DIAPH2: variants seen among roughly 807,000 people sequenced by gnomAD.
The protein encoded by DIAPH2 is protein diaphanous homolog 2.
DIAPH2 carries 35 observed loss-of-function variants against 92.7 expected under a neutral mutation model. The ratio of observed to expected loss-of-function variants is 0.38; its 90% confidence interval spans 0.29 to 0.50. The LOEUF (loss-of-function observed/expected upper bound fraction) is 0.50, where lower values mean the gene tolerates loss of function less well. DIAPH2 is among the 20% of genes least tolerant of loss of function. DIAPH2 has a pLI of 0.94. For synonymous variants in DIAPH2, 301 were observed against 280.4 expected (o/e 1.07, Z -0.73); for missense variants, 701 against 819.5 (o/e 0.86, Z 1.77).
chrX:97,287,742 TAAAGA>T (rs1378450194), intron 23 of DIAPH2, among the ~76,000 whole-genome samples: 60 of 91,357 alleles, frequency 6.6e-4, no homozygotes, highest in African/African-American at 2.4e-3. Flanking sequence ...AAAAAAAAAG[TAAAGA>T]AAAGAAAGAA....
At chrX:96,812,977 C>G (rs1326315041) in intron 4 of DIAPH2, among the ~76,000 whole-genome samples, 1 of 111,615 alleles carries the variant, frequency 9.0e-6, no homozygotes, top group Non-Finnish European at 1.9e-5. Context: ...TGATGTGGTG[C>G]TGAGAAGAAT....
chrX:97,023,247 TATTC>T (rs1760754618), intron 17 of DIAPH2, among the ~76,000 whole-genome samples: 2 of 111,917 alleles, frequency 1.8e-5, no homozygotes, highest in Admixed American at 9.5e-5. Flanking sequence ...TTGCTATTCT[TATTC>T]TTTCTTTGTT....
At chrX:96,791,315 T>TA (rs2064499247) in intron 4 of DIAPH2, among the ~76,000 whole-genome samples, 2 of 111,956 alleles carry the variant, frequency 1.8e-5, no homozygotes, top group African/African-American at 6.5e-5. Context: ...GGTCACCAAA[T>TA]ATATTGTTTT....
At chrX:96,945,451 G>A in intron 13 of DIAPH2, 76 bp from the exon 14 acceptor site, 5 of 717,444 alleles carry the variant, frequency 7.0e-6, no homozygotes, top group Non-Finnish European at 1.0e-5. Flanking sequence ...GCATTGCAGA[G>A]TTATAGGCTA....
intron 26 of DIAPH2, among the ~76,000 whole-genome samples, chrX:97,473,614 T>C (rs1382949347): frequency 2.7e-5 from 3 of 112,196 alleles, no homozygotes; most frequent in Non-Finnish European, 5.6e-5. Flanking sequence ...GCATTATAGG[T>C]GTGAGCCACC....
chrX:97,181,856 G>C lies in DIAPH2; in HGVS notation c.2719+40062G>C, dbSNP rs143770118. Among the ~76,000 whole-genome samples, 391 of 112,623 alleles carry C rather than the reference G, an allele frequency of 3.5e-3. 2 individuals are homozygous for C. The highest frequency in any genetic ancestry group is 0.012 in the African/African-American group (371 of 31,061). ...ATTTGATGCACTTTACAGATTGCAAGCAATAATATGCTATAAATTTAGTTT... is the reference window on the plus strand; with the variant it reads ...ATTTGATGCACTTTACAGATTGCAACCAATAATATGCTATAAATTTAGTTT... On this transcript the variant is annotated intron_variant, in intron 22 of 26. Transcript: ENST00000324765.
At chrX:97,342,530 A>G (rs748797036) in intron 23 of DIAPH2, among the ~76,000 whole-genome samples, 84 of 111,893 alleles carry the variant, frequency 7.5e-4, no homozygotes, top group Admixed American at 2.1e-3. Context: ...GGCTCACACA[A>G]TTTATTTTTT....
At chrX:97,531,152 C>T (rs776794725) in intron 26 of DIAPH2, among the ~76,000 whole-genome samples, 3 of 111,433 alleles carry the variant, frequency 2.7e-5, no homozygotes, top group Non-Finnish European at 5.7e-5. Context: ...TCTAGAAACA[C>T]TCATCGACTT....
At chrX:97,331,373 A>G (rs2069000324) in intron 23 of DIAPH2, among the ~76,000 whole-genome samples, 3 of 112,160 alleles carry the variant, frequency 2.7e-5, no homozygotes, top group African/African-American at 9.7e-5. Flanking sequence ...AAAAAACACA[A>G]AATCCACCAG....
chrX:97,215,823 T>A (rs776818541), intron 22 of DIAPH2, among the ~76,000 whole-genome samples: 11 of 112,404 alleles, frequency 9.8e-5, no homozygotes, highest in African/African-American at 2.6e-4. Flanking sequence ...ACAGAGAATG[T>A]ACGTGTACTG....
intron 21 of DIAPH2, among the ~76,000 whole-genome samples, chrX:97,137,945 GACGGGAATGAGA>G (rs1438716315): frequency 3.6e-5 from 4 of 112,094 alleles, no homozygotes; most frequent in Admixed American, 9.5e-5. Flanking sequence ...TGGAGAACAG[GACGGGAATGAGA>G]AGGGAACTTT....
intron 17 of DIAPH2, among the ~76,000 whole-genome samples, chrX:96,986,427 G>A (rs1018449955): frequency 3.6e-5 from 4 of 111,415 alleles, no homozygotes; most frequent in Non-Finnish European, 7.6e-5. Context: ...TAATATTTCT[G>A]AACAAACTTT....
intron 19 of DIAPH2, among the ~76,000 whole-genome samples, chrX:97,078,591 A>C (rs1370903942): frequency 8.9e-6 from 1 of 111,948 alleles, no homozygotes; most frequent in Admixed American, 9.5e-5. Flanking sequence ...ATGCTTCAAA[A>C]TTACAGTACT....
chrX:97,375,885 A>G (rs1039479519), intron 24 of DIAPH2, among the ~76,000 whole-genome samples: 29 of 111,728 alleles, frequency 2.6e-4, no homozygotes, highest in African/African-American at 8.5e-4. Flanking sequence ...AGTATCAGAA[A>G]GCTTAGCAAG....
intron 23 of DIAPH2, among the ~76,000 whole-genome samples, chrX:97,249,019 C>T (rs2068164794): frequency 9.1e-6 from 1 of 109,347 alleles, no homozygotes; most frequent in Non-Finnish European, 1.9e-5. Context: ...TTACTGGCCA[C>T]GTTAGGATAC....
At chrX:96,944,399 A>G (rs757693135) in intron 13 of DIAPH2, among the ~76,000 whole-genome samples, 1 of 111,857 alleles carries the variant, frequency 8.9e-6, no homozygotes, top group Admixed American at 9.5e-5. Flanking sequence ...CCCATATTTA[A>G]GGTATACAAT....
intron 4 of DIAPH2, among the ~76,000 whole-genome samples, chrX:96,782,391 G>T (rs2064424474): frequency 8.9e-6 from 1 of 112,000 alleles, no homozygotes; most frequent in African/African-American, 3.3e-5. Flanking sequence ...CGCCTCCGGG[G>T]TTCACGCCAT....
chrX:97,546,767 C>T (rs1451746525), intron 26 of DIAPH2, among the ~76,000 whole-genome samples: 2 of 110,381 alleles, frequency 1.8e-5, no homozygotes, highest in African/African-American at 6.6e-5. Flanking sequence ...ACCCAGGAGG[C>T]GGAGGTTGCA....
chrX:96,773,236 T>TCCCCCCC (rs201670201), intron 4 of DIAPH2, among the ~76,000 whole-genome samples: 4 of 91,466 alleles, frequency 4.4e-5, no homozygotes, highest in Admixed American at 1.3e-4. Context: ...GCTGAATTGT[T>TCCCCCCC]TCCCCCCCCC....
Sources: gnomAD v4.1 joint callset for allele counts (sites outside exome capture counted in the v4.1 genomes callset) on GRCh38, gnomAD v4.1.1 for gene constraint, MANE v1.5 for transcripts, NCBI Gene and HGNC (gene_info 2026-07-23, HGNC 2026-07-21) for gene names.